Variants in TG observed in about 807,000 individuals in gnomAD.
The protein encoded by TG is thyroid hormones.
A neutral mutation model predicts 324.7 loss-of-function variants in TG; 270 were observed. The ratio of observed to expected loss-of-function variants is 0.83; its 90% CI spans 0.75 to 0.92. The LOEUF is 0.92. TG is among the 40% of genes least tolerant of loss of function. The pLI is 0.00. For synonymous variants in TG, 1,401 were observed against 1,327.0 expected, an observed-to-expected ratio of 1.06 and a Z score of -1.21; for missense variants, 3,591 against 3,456.4, an observed-to-expected ratio of 1.04 and a Z score of -0.98.
At chr8:133,050,620 G>A in intron 41 of TG, 1 of 527,966 alleles carries the variant, frequency 1.9e-6, no homozygotes. Context: ...CTACCAGGCA[G>A]TGGGGAGCTA....
intron 41 of TG, among the ~76,000 whole-genome samples, chr8:133,066,197 G>A (rs571151839): frequency 1.3e-5 from 2 of 152,018 alleles, no homozygotes; most frequent in East Asian, 1.9e-4. Context: ...GTGGTGGCAG[G>A]CACCTGTAGT....
intron 41 of TG, among the ~76,000 whole-genome samples, chr8:133,039,307 C>A (rs1587834254): frequency 6.6e-6 from 1 of 152,206 alleles, no homozygotes; most frequent in Non-Finnish European, 1.5e-5. Flanking sequence ...AATCACTTAA[C>A]CCGTCTGAAC....
At chr8:132,935,640 C>A (rs545066423) in intron 24 of TG, 116 bp from the exon 25 acceptor site, 89 of 877,170 alleles carry the variant, frequency 1.0e-4, no homozygotes, top group Non-Finnish European at 1.6e-4. Flanking sequence ...AGACCAGGAG[C>A]AACTAACTTA....
intron 27 of TG, among the ~76,000 whole-genome samples, chr8:132,956,424 C>A (rs1288955205): frequency 6.6e-6 from 1 of 152,172 alleles, no homozygotes; most frequent in East Asian, 1.9e-4. Flanking sequence ...GAGAAGATCT[C>A]TGAATACTGC....
chr8:132,870,941 G>T (rs1256877061), intron 3 of TG, among the ~76,000 whole-genome samples: 1 of 152,160 alleles, frequency 6.6e-6, no homozygotes, highest in Non-Finnish European at 1.5e-5. Flanking sequence ...TTCAACATGA[G>T]ATTTGGAGGG....
intron 35 of TG, among the ~76,000 whole-genome samples, chr8:133,005,278 A>G (rs889691020): frequency 5.3e-5 from 8 of 150,578 alleles, no homozygotes; most frequent in Admixed American, 3.3e-4. Flanking sequence ...GCCCTGGGAC[A>G]GGGGGACAGG....
Position 133,023,687 on chromosome 8 carries a change from G to A in TG, c.7036+1537G>A, listed in dbSNP as rs556647068. 6.6e-5 allele frequency among the ~76,000 whole-genome samples: 10 copies of A among 152,300 alleles called. No individual in the cohort carries two copies. The South Asian group carries it at 2.1e-3, about 32-fold the overall frequency. ...TGGTGACATCAGGACTCGCCCCAAG[G>A]AGCCTGGGCCTGGGGAACTTTTCCC... is the stretch of plus-strand genomic sequence containing the variant. On this transcript the variant is annotated intron_variant, in intron 40 of 47. Coordinates refer to ENST00000220616, the MANE Select transcript of TG (RefSeq NM_003235.5).
At chr8:133,085,788 G>A (rs563420591) in intron 41 of TG, among the ~76,000 whole-genome samples, 1 of 152,296 alleles carries the variant, frequency 6.6e-6, no homozygotes, top group African/African-American at 2.4e-5. Flanking sequence ...AAATAATGCG[G>A]CCACTTTGAC....
intron 27 of TG, among the ~76,000 whole-genome samples, chr8:132,958,600 C>T (rs528667519): frequency 3.3e-5 from 5 of 151,920 alleles, no homozygotes; most frequent in Non-Finnish European, 5.9e-5. Context: ...CGCCTGTAAT[C>T]CCAGCTACTT....
intron 41 of TG, among the ~76,000 whole-genome samples, chr8:133,091,415 C>T (rs7844184): frequency 0.036 from 5,482 of 152,204 alleles, 339 homozygotes; most frequent in African/African-American, 0.13. Flanking sequence ...CACATGGATG[C>T]CCCAGGGCAG....
chr8:132,867,845 G>C (rs1428462972), intron 1 of TG, among the ~76,000 whole-genome samples: 1 of 151,998 alleles, frequency 6.6e-6, no homozygotes. Context: ...TGCCAGTTAC[G>C]TGACTTTGGG....
intron 20 of TG, among the ~76,000 whole-genome samples, chr8:132,918,901 A>G (rs1820750369): frequency 6.6e-6 from 1 of 152,236 alleles, no homozygotes; most frequent in Non-Finnish European, 1.5e-5. Flanking sequence ...AGCTTTCTCA[A>G]CTGTGAAATG....
chr8:133,009,936 G>T (rs1197168099), intron 35 of TG, among the ~76,000 whole-genome samples: 1 of 152,138 alleles, frequency 6.6e-6, no homozygotes, highest in African/African-American at 2.4e-5. Flanking sequence ...GCACTAGATT[G>T]TTTTGCTGCT....
intron 34 of TG, among the ~76,000 whole-genome samples, chr8:132,981,306 C>T (rs1830817605): frequency 6.6e-6 from 1 of 152,186 alleles, no homozygotes; most frequent in Admixed American, 6.5e-5. Flanking sequence ...TGCCAGTGTT[C>T]AATCAGTATT....
chr8:132,900,968 C>T (rs186089263), intron 15 of TG, among the ~76,000 whole-genome samples: 162 of 152,362 alleles, frequency 1.1e-3, no homozygotes, highest in African/African-American at 3.8e-3. Flanking sequence ...ATCCCCTCCC[C>T]ACCTGACAAA....
chr8:132,960,177 T>C (rs1033361), intron 27 of TG, among the ~76,000 whole-genome samples: 114,862 of 152,124 alleles, frequency 0.76, 43,736 homozygotes, highest in African/African-American at 0.84. Flanking sequence ...AAGTTTTGCA[T>C]GTGTATCCTG....
chr8:133,121,697 T>C (rs185515382), intron 45 of TG, among the ~76,000 whole-genome samples: 24 of 152,358 alleles, frequency 1.6e-4, no homozygotes, highest in Admixed American at 1.4e-3. Flanking sequence ...CAAATGGGTA[T>C]AATAATAGGA....
At chr8:132,946,587 C>G (rs1163790789) in intron 26 of TG, among the ~76,000 whole-genome samples, 1 of 152,136 alleles carries the variant, frequency 6.6e-6, no homozygotes, top group East Asian at 1.9e-4. Context: ...CTGGTGGATT[C>G]CCCTCCTTCC....
In TG at chr8:132,972,569, G is replaced by GTTTTTT. The variant is rs150963971; in HGVS notation, c.6056-28_6056-23dup. ...CATTGTACTCAGTTTCCTGATTGTG[G>GTTTTTT]TTTTTTGTTTTTTTTTTTTCCACCC... On this transcript the variant is annotated intron_variant, in intron 33 of 47. Transcript: ENST00000220616. 135 of 1,458,940 alleles carry GTTTTTT rather than the reference G, an allele frequency of 9.3e-5. 39 individuals are homozygous for GTTTTTT. Among genetic ancestry groups the GTTTTTT allele is most frequent in the African/African-American group, 2.7e-4 (18 of 66,194 alleles). 90.4% of individuals were successfully genotyped at this position (1,458,940 alleles called of 1,614,324 possible).
Sources: gnomAD v4.1 joint callset for allele counts (sites outside exome capture counted in the v4.1 genomes callset) on GRCh38, gnomAD v4.1.1 for gene constraint, MANE v1.5 for transcripts, NCBI Gene and HGNC (gene_info 2026-07-23, HGNC 2026-07-21) for gene names.